NLGN1: variants seen among roughly 807,000 people sequenced by gnomAD.
The protein encoded by NLGN1 is neuroligin 1.
A neutral mutation model predicts 65.5 loss-of-function variants in NLGN1; 12 were observed. That is an observed-to-expected ratio of 0.18 (90% CI 0.12 to 0.30). The LOEUF is 0.30. Ranked by LOEUF, NLGN1 falls within the 10% of genes least tolerant of loss-of-function variation. NLGN1 has a pLI of 1.00. For synonymous variants in NLGN1, 350 were observed against 359.5 expected (o/e 0.97, Z 0.30); for missense variants, 750 against 1,007.1 (o/e 0.74, Z 3.46).
At chr3:173,826,028 GT>G (rs967264770) in intron 4 of NLGN1, among the ~76,000 whole-genome samples, 1 of 151,688 alleles carries the variant, frequency 6.6e-6, no homozygotes, top group Non-Finnish European at 1.5e-5. Flanking sequence ...AACAAATGTA[GT>G]TTTTTTTAAC....
At chr3:173,474,768 G>A (rs912349268) in intron 2 of NLGN1, among the ~76,000 whole-genome samples, 1 of 152,052 alleles carries the variant, frequency 6.6e-6, no homozygotes, top group Non-Finnish European at 1.5e-5. Context: ...GACCAGTCTG[G>A]CCAACATGGT....
rs565416409 is a variant in NLGN1 at position 174,110,733 on chromosome 3, T to A, written c.647-164582T>A. Among the ~76,000 whole-genome samples the A allele has an allele frequency of 1.1e-4, 16 of 152,142 alleles. No homozygotes were observed. The South Asian group carries it at 3.1e-3, about 30-fold the overall frequency. On this transcript the variant is annotated intron_variant, in intron 4 of 6. Coordinates refer to ENST00000457714, the Ensembl canonical transcript of NLGN1. ...AGGAATTCTTTTCTAACATGATGAC[T>A]TTTTCCCTAAATTATCTGGATAAAT...
intron 3 of NLGN1, among the ~76,000 whole-genome samples, chr3:173,693,419 G>A (rs538082525): frequency 6.6e-6 from 1 of 152,114 alleles, no homozygotes; most frequent in Admixed American, 6.5e-5. Flanking sequence ...GAATAATGGA[G>A]CATGTGTGAA....
intron 3 of NLGN1, among the ~76,000 whole-genome samples, chr3:173,736,827 G>A (rs1773849623): frequency 6.6e-6 from 1 of 151,874 alleles, no homozygotes; most frequent in African/African-American, 2.4e-5. Context: ...ACCCACTAAT[G>A]TTGGCCAAAA....
intron 4 of NLGN1, among the ~76,000 whole-genome samples, chr3:174,227,083 G>A (rs959818189): frequency 6.6e-6 from 1 of 152,112 alleles, no homozygotes; most frequent in African/African-American, 2.4e-5. Context: ...GAGCAATGAG[G>A]ACCAATTGCA....
intron 4 of NLGN1, among the ~76,000 whole-genome samples, chr3:174,007,254 G>A (rs1724622926): frequency 6.6e-6 from 1 of 152,108 alleles, no homozygotes; most frequent in South Asian, 2.1e-4. Flanking sequence ...TGAACAGAGA[G>A]AAAATACATT....
At chr3:173,962,322 C>T (rs555976349) in intron 4 of NLGN1, among the ~76,000 whole-genome samples, 2 of 152,176 alleles carry the variant, frequency 1.3e-5, no homozygotes, top group South Asian at 4.1e-4. Context: ...TAGGAAGTGT[C>T]TTTGTCAAAC....
chr3:174,076,720 A>AGT (rs1304122173), intron 4 of NLGN1, among the ~76,000 whole-genome samples: 69 of 114,802 alleles, frequency 6.0e-4, no homozygotes, highest in African/African-American at 1.7e-3. Context: ...AGAGAGAGAG[A>AGT]GAGAGTGTGT....
chr3:173,527,490 C>G (rs183467790), intron 2 of NLGN1, among the ~76,000 whole-genome samples: 2 of 152,124 alleles, frequency 1.3e-5, no homozygotes, highest in Non-Finnish European at 2.9e-5. Context: ...CTCCACCTCC[C>G]GGGTTCACAC....
chr3:173,728,174 G>A (rs945575077), intron 3 of NLGN1, among the ~76,000 whole-genome samples: 29 of 152,236 alleles, frequency 1.9e-4, no homozygotes, highest in African/African-American at 7.0e-4. Context: ...CGAAGTGAGA[G>A]AGAAGAATGG....
chr3:174,021,503 A>G (rs1426569543), intron 4 of NLGN1, among the ~76,000 whole-genome samples: 1 of 152,168 alleles, frequency 6.6e-6, no homozygotes, highest in Non-Finnish European at 1.5e-5. Flanking sequence ...GACAAAAATT[A>G]TAATTTGGCC....
intron 3 of NLGN1, among the ~76,000 whole-genome samples, chr3:173,702,223 A>G (rs1489377218): frequency 6.9e-6 from 1 of 145,290 alleles, no homozygotes; most frequent in Non-Finnish European, 1.5e-5. Context: ...TGGGCGACAG[A>G]GCGAGACTCC....
At chr3:173,642,246 A>G (rs1042648733) in intron 3 of NLGN1, among the ~76,000 whole-genome samples, 3 of 152,198 alleles carry the variant, frequency 2.0e-5, no homozygotes, top group African/African-American at 7.2e-5. Flanking sequence ...GAAACAAAAA[A>G]ACAGGCAAAA....
At chr3:174,183,725 C>T (rs915523086) in intron 4 of NLGN1, among the ~76,000 whole-genome samples, 3 of 152,068 alleles carry the variant, frequency 2.0e-5, no homozygotes, top group African/African-American at 7.2e-5. Context: ...TTTAAACTGC[C>T]CTAAAAAGTC....
chr3:173,847,690 G>A (rs35772146), intron 4 of NLGN1, among the ~76,000 whole-genome samples: 4,969 of 152,188 alleles, frequency 0.033, 136 homozygotes, highest in East Asian at 0.11. Flanking sequence ...TGGCCAACAT[G>A]GCAAAACCCT....
At chr3:173,462,126 A>G (rs142113889) in intron 2 of NLGN1, among the ~76,000 whole-genome samples, 26 of 152,300 alleles carry the variant, frequency 1.7e-4, no homozygotes, top group African/African-American at 6.0e-4. Context: ...TTGAATTCCT[A>G]TAAAAGTCTT....
chr3:173,504,856 G>C (rs1390021666), intron 2 of NLGN1, among the ~76,000 whole-genome samples: 1 of 151,886 alleles, frequency 6.6e-6, no homozygotes, highest in African/African-American at 2.4e-5. Flanking sequence ...CTGCAGGCTT[G>C]TCCTCTTAAG....
chr3:174,112,088 A>T (rs547363297), intron 4 of NLGN1, among the ~76,000 whole-genome samples: 1 of 151,996 alleles, frequency 6.6e-6, no homozygotes, highest in Admixed American at 6.6e-5. Context: ...GTCACAAAGT[A>T]ATGTCTGAAT....
At chr3:174,216,451 A>G (rs1011747950) in intron 4 of NLGN1, among the ~76,000 whole-genome samples, 5 of 152,134 alleles carry the variant, frequency 3.3e-5, no homozygotes, top group Non-Finnish European at 7.4e-5. Flanking sequence ...ACTATGTACC[A>G]TCAACTATGC....
Sources: gnomAD v4.1 joint callset for allele counts (sites outside exome capture counted in the v4.1 genomes callset) on GRCh38, gnomAD v4.1.1 for gene constraint, MANE v1.5 for transcripts, NCBI Gene and HGNC (gene_info 2026-07-23, HGNC 2026-07-21) for gene names.